Variants in ENOX2 observed in about 807,000 individuals in gnomAD.
ENOX2 encodes APK1 antigen.
ENOX2 carries 36 observed loss-of-function variants against 45.0 expected under a neutral mutation model. The ratio of observed to expected loss-of-function variants is 0.80; its 90% CI spans 0.61 to 1.06. The LOEUF (loss-of-function observed/expected upper bound fraction) is 1.06. Among genes scored for constraint, ENOX2 ranks in the 50% least tolerant of loss-of-function variants. The pLI, the probability that ENOX2 is intolerant of heterozygous loss-of-function variation, is 0.00. For missense variants in ENOX2, 423 were observed against 462.5 expected (o/e 0.91, Z 0.78); for synonymous variants, 174 against 152.3 (o/e 1.14, Z -1.05).
At chrX:130,787,693 T>C (rs1313809672) in intron 2 of ENOX2, among the ~76,000 whole-genome samples, 1 of 112,121 alleles carries the variant, frequency 8.9e-6, no homozygotes, top group African/African-American at 3.2e-5. Flanking sequence ...GATATAGTTA[T>C]TTTATTAATT....
intron 2 of ENOX2, among the ~76,000 whole-genome samples, chrX:130,898,863 G>C (rs1168127013): frequency 1.8e-5 from 2 of 109,809 alleles, no homozygotes; most frequent in African/African-American, 3.3e-5. Context: ...GAAGTGGTAG[G>C]TTAAAAGCTG....
intron 3 of ENOX2, among the ~76,000 whole-genome samples, chrX:130,716,258 G>A (rs2038326817): frequency 1.8e-5 from 2 of 112,141 alleles, no homozygotes; most frequent in South Asian, 7.5e-4. Context: ...GAAAAAAACA[G>A]TGGGATTAAT....
chrX:130,730,696 T>C (rs1480713750), intron 3 of ENOX2, among the ~76,000 whole-genome samples: 3 of 98,207 alleles, frequency 3.1e-5, no homozygotes, highest in African/African-American at 1.1e-4. Context: ...AATCAATACA[T>C]GCAAGATTGA....
chrX:130,707,675 C>T (rs974480282), intron 3 of ENOX2, among the ~76,000 whole-genome samples: 2 of 111,769 alleles, frequency 1.8e-5, no homozygotes, highest in African/African-American at 3.3e-5. Context: ...TTCTTATGTC[C>T]GAGTGGATAT....
At position 130,625,117 on chromosome X, in the gene ENOX2, T is replaced by G; in HGVS notation, c.*197A>C. On this transcript the variant is annotated 3_prime_UTR_variant, in exon 15 of 15. Coordinates refer to ENST00000394363, the MANE Select transcript of ENOX2 (RefSeq NM_006375.4). ...GGGAGGAAGTTACAGCACTTGTGGT[T>G]TGAGGCAATTTCTCTTTAGGGCCTG... is the stretch of plus-strand genomic sequence containing the variant. The G allele has an allele frequency of 2.4e-6, 1 of 408,467 alleles. No homozygotes were observed. The highest frequency in any genetic ancestry group is 4.4e-5 in the East Asian group (1 of 22,868). 33.7% of individuals were successfully genotyped at this position (408,467 alleles called of 1,213,427 possible). A position where few individuals can be genotyped will look rare whatever the true frequency, so the allele number is the denominator to read the frequency against.
intron 2 of ENOX2, among the ~76,000 whole-genome samples, chrX:130,827,471 T>C (rs1289945222): frequency 1.8e-5 from 2 of 111,516 alleles, no homozygotes; most frequent in Non-Finnish European, 3.8e-5. Context: ...GGTACTCTAC[T>C]ATGCTCTGAC....
intron 2 of ENOX2, among the ~76,000 whole-genome samples, chrX:130,882,607 A>G (rs2078836478): frequency 8.9e-6 from 1 of 112,159 alleles, no homozygotes; most frequent in African/African-American, 3.2e-5. Context: ...AAATCTGAAG[A>G]AAGAACATGA....
chrX:130,878,533 A>C (rs1422237633), intron 2 of ENOX2, among the ~76,000 whole-genome samples: 1 of 111,574 alleles, frequency 9.0e-6, no homozygotes, highest in African/African-American at 3.3e-5. Flanking sequence ...AAGAGCCGTG[A>C]GTGCCAATAT....
intron 12 of ENOX2, among the ~76,000 whole-genome samples, chrX:130,632,033 A>G (rs187322308): frequency 1.8e-5 from 2 of 111,012 alleles, no homozygotes; most frequent in African/African-American, 6.5e-5. Flanking sequence ...TTTTTTTAAA[A>G]AAGTTTAAGG....
chrX:130,901,565 T>C (rs1340070873), intron 2 of ENOX2, 119 bp downstream of exon 2: 1 of 111,793 alleles, frequency 8.9e-6, no homozygotes, highest in Non-Finnish European at 1.9e-5. Context: ...CTTAAGAAAA[T>C]ATATCGATGT....
intron 3 of ENOX2, among the ~76,000 whole-genome samples, chrX:130,713,902 A>C (rs2038258688): frequency 9.0e-6 from 1 of 111,178 alleles, no homozygotes; most frequent in Non-Finnish European, 1.9e-5. Flanking sequence ...ATTTAAACTA[A>C]TCAACTAACT....
intron 7 of ENOX2, 125 bp from the exon 8 acceptor site, chrX:130,667,867 G>C (rs1183348671): frequency 2.1e-6 from 1 of 479,987 alleles, no homozygotes; most frequent in Non-Finnish European, 3.5e-6. Context: ...TGAGGATGAG[G>C]AGCCACACAT....
At chrX:130,692,746 ATT>A (rs59522175) in intron 4 of ENOX2, among the ~76,000 whole-genome samples, 4 of 93,864 alleles carry the variant, frequency 4.3e-5, no homozygotes, top group Non-Finnish European at 4.3e-5. Flanking sequence ...ATACCCGGCT[ATT>A]TTTTTTTTTT....
At chrX:130,775,601 G>A (rs1306011794) in intron 3 of ENOX2, among the ~76,000 whole-genome samples, 1 of 109,870 alleles carries the variant, frequency 9.1e-6, no homozygotes, top group Non-Finnish European at 1.9e-5. Context: ...TCACTCTCAA[G>A]GGCGCTGGGA....
intron 2 of ENOX2, among the ~76,000 whole-genome samples, chrX:130,801,398 A>T (rs2077213838): frequency 8.9e-6 from 1 of 111,871 alleles, no homozygotes; most frequent in Non-Finnish European, 1.9e-5. Context: ...TTGGGCTACA[A>T]ATCTTTCCTC....
At position 130,641,165 on chromosome X, in the gene ENOX2, C is replaced by T. The variant is rs185311997; in HGVS notation, c.1130-3755G>A. Among the ~76,000 whole-genome samples the T allele has an allele frequency of 4.0e-4, 45 of 111,623 alleles. No homozygotes were observed. The East Asian group carries it at 9.3e-3, about 23-fold the overall frequency. Reference sequence around the variant, plus strand: ...AAATGCCAAAAACCCCTTCAGCCTACGCATATCATATTCAAACTTAAGAAA... The same window carrying T: ...AAATGCCAAAAACCCCTTCAGCCTATGCATATCATATTCAAACTTAAGAAA... On this transcript the variant is annotated intron_variant, in intron 10 of 14. Coordinates refer to ENST00000394363, the MANE Select transcript of ENOX2 (RefSeq NM_006375.4).
intron 2 of ENOX2, among the ~76,000 whole-genome samples, chrX:130,815,977 C>T (rs753409524): frequency 3.4e-4 from 38 of 111,346 alleles, no homozygotes; most frequent in African/African-American, 1.1e-3. Flanking sequence ...CAAGACCCAT[C>T]GGTGTGCTGT....
chrX:130,677,121 T>C (rs1420186476), intron 6 of ENOX2, among the ~76,000 whole-genome samples: 2 of 111,800 alleles, frequency 1.8e-5, no homozygotes, highest in Non-Finnish European at 3.8e-5. Context: ...ATGTTTTCCC[T>C]TTGTCAAAGA....
intron 2 of ENOX2, among the ~76,000 whole-genome samples, chrX:130,884,601 T>A (rs2078871683): frequency 8.9e-6 from 1 of 111,917 alleles, no homozygotes; most frequent in Non-Finnish European, 1.9e-5. Context: ...GATGAATTGA[T>A]AATGTGGCTT....
Sources: allele counts gnomAD v4.1 joint callset (sites outside exome capture counted in the v4.1 genomes callset), GRCh38; gene constraint gnomAD v4.1.1; transcripts MANE v1.5; gene names NCBI Gene and HGNC (gene_info 2026-07-23, HGNC 2026-07-21).